Variants in LCMT1 observed in about 807,000 individuals in gnomAD.
LCMT1 encodes [Phosphatase 2A protein]-leucine-carboxy methyltransferase 1.
Under a neutral mutation model 47.7 loss-of-function variants are expected in LCMT1, and 32 were observed. The ratio of observed to expected loss-of-function variants is 0.67; its 90% confidence interval spans 0.51 to 0.90. The LOEUF (loss-of-function observed/expected upper bound fraction) is 0.90, where lower values mean the gene tolerates loss of function less well. Among genes scored for constraint, LCMT1 ranks in the 40% least tolerant of loss-of-function variants. The probability of loss-of-function intolerance (pLI) is 0.00; values close to 1 mark genes in which losing one functional copy is unlikely to be tolerated. For synonymous variants in LCMT1, 152 were observed against 149.7 expected (o/e 1.02, Z -0.11); for missense variants, 375 against 415.2 (o/e 0.90, Z 0.84).
intron 10 of LCMT1, among the ~76,000 whole-genome samples, chr16:25,175,289 A>G (rs1416986459): frequency 2.0e-5 from 3 of 152,010 alleles, no homozygotes; most frequent in Admixed American, 6.6e-5. Context: ...GAGCCTGGCT[A>G]ATTTTCTGTA....
intron 4 of LCMT1, chr16:25,144,723 A>C (rs781449765): frequency 2.6e-5 from 4 of 152,106 alleles, no homozygotes; most frequent in African/African-American, 4.8e-5. Flanking sequence ...GTCAGCTTAG[A>C]TGCTTCACTA....
At chr16:25,156,832 A>T (rs141277208) in intron 5 of LCMT1, among the ~76,000 whole-genome samples, 15 of 152,116 alleles carry the variant, frequency 9.9e-5, no homozygotes, top group South Asian at 2.1e-4. Context: ...CTTGTTCATC[A>T]GTTATTCCCA....
intron 10 of LCMT1, among the ~76,000 whole-genome samples, chr16:25,176,721 C>T (rs1415519882): frequency 6.7e-6 from 1 of 150,336 alleles, no homozygotes; most frequent in African/African-American, 2.4e-5. Context: ...ACCACCATGT[C>T]CAGCTAATTT....
intron 2 of LCMT1, among the ~76,000 whole-genome samples, chr16:25,130,106 C>T (rs941751097): frequency 6.6e-5 from 10 of 152,044 alleles, no homozygotes; most frequent in Non-Finnish European, 1.5e-4. Context: ...TTTGGGAGGC[C>T]GAGGCGGGCG....
chr16:25,154,657 T>C (rs1383629803), intron 5 of LCMT1, among the ~76,000 whole-genome samples: 1 of 151,938 alleles, frequency 6.6e-6, no homozygotes, highest in African/African-American at 2.4e-5. Context: ...CGGCTAATTT[T>C]TTTTGTATTT....
chr16:25,142,086 G>A (rs1960712460), intron 4 of LCMT1: 1 of 152,306 alleles, frequency 6.6e-6, no homozygotes, highest in Non-Finnish European at 1.5e-5. Context: ...ACAGAGAGGT[G>A]AAATTGGCTG....
chr16:25,167,126 T>C (rs1027617292), intron 7 of LCMT1, among the ~76,000 whole-genome samples: 1 of 152,182 alleles, frequency 6.6e-6, no homozygotes, highest in African/African-American at 2.4e-5. Context: ...AGCCTGGGAA[T>C]GTGCCAGTTT....
rs763524422 is a variant in LCMT1, at chr16:25,151,693, T to TGTGTG, written c.466+78_466+79insGTGTG. The TGTGTG allele has an allele frequency of 7.0e-4, 404 of 575,402 alleles. 6 individuals are homozygous for TGTGTG. Among genetic ancestry groups the TGTGTG allele is most frequent in the Non-Finnish European group, 9.8e-4 (353 of 359,128 alleles). The allele number at this position is 575,402 out of a possible 1,614,324, so 35.6% of individuals were successfully genotyped here. ...CCCCTTTTTGAAGATGGGGTTTGTG[T>TGTGTG]TGGGTGTGTGTGTGTGTGTGTGTGT... is the stretch of plus-strand genomic sequence containing the variant. On this transcript the variant is annotated intron_variant, in intron 5 of 10. Coordinates refer to ENST00000399069, the MANE Select transcript of LCMT1 (RefSeq NM_016309.3).
In LCMT1 at chr16:25,161,127, A is replaced by G; in HGVS notation, c.492A>G (p.Arg164=). The G allele has an allele frequency of 1.9e-6, 3 of 1,609,918 alleles. No homozygotes were observed. The highest frequency in any genetic ancestry group is 2.5e-6 in the Non-Finnish European group (3 of 1,177,820). Residue 164 remains arginine, a synonymous_variant, in exon 6 of 11, where the codon AGA becomes AGG. Transcript: ENST00000399069. ...ATGGACACATACTGGATTCAAAGAG[A>G]TATGCCGTTATTGGAGCAGATCTCC... ...QMDGHILDSK[R]YAVIGADLRD...
chr16:25,174,894 C>A, intron 9 of LCMT1, 43 bp from the exon 10 acceptor site: 1 of 1,045,408 alleles, frequency 9.6e-7, no homozygotes, highest in Non-Finnish European at 1.4e-6. Flanking sequence ...TCTTCATTTT[C>A]AATGCAGACA....
intron 6 of LCMT1, among the ~76,000 whole-genome samples, chr16:25,163,651 G>T (rs1961499922): frequency 1.3e-5 from 2 of 152,028 alleles, no homozygotes; most frequent in African/African-American, 4.8e-5. Context: ...AATGACATTC[G>T]ATTGTTTCAT....
At chr16:25,120,296 T>C (rs1353091669) in intron 1 of LCMT1, among the ~76,000 whole-genome samples, 1 of 150,042 alleles carries the variant, frequency 6.7e-6, no homozygotes, top group Non-Finnish European at 1.5e-5. Context: ...CGATCTCGGG[T>C]CACTGCAACC....
intron 9 of LCMT1, among the ~76,000 whole-genome samples, chr16:25,172,996 C>T (rs1411212123): frequency 1.3e-5 from 2 of 152,220 alleles, no homozygotes; most frequent in Admixed American, 6.5e-5. Context: ...CAGCGTGTAA[C>T]CCTCACGGGG....
At chr16:25,173,102 G>A (rs922268421) in intron 9 of LCMT1, among the ~76,000 whole-genome samples, 5 of 152,168 alleles carry the variant, frequency 3.3e-5, no homozygotes, top group African/African-American at 2.4e-5. Context: ...TGCTTTTGCC[G>A]GAAACTGTAG....
intron 8 of LCMT1, chr16:25,169,608 C>T (rs1961692960): frequency 5.8e-6 from 1 of 172,320 alleles, no homozygotes; most frequent in Non-Finnish European, 1.3e-5. Flanking sequence ...ATGATTTCAC[C>T]CCTAAATACA....
chr16:25,167,732 T>C (rs1961628487), intron 7 of LCMT1, among the ~76,000 whole-genome samples: 1 of 152,186 alleles, frequency 6.6e-6, no homozygotes, highest in Non-Finnish European at 1.5e-5. Context: ...GGGACTATTC[T>C]ATGAATTTTA....
intron 3 of LCMT1, among the ~76,000 whole-genome samples, chr16:25,139,033 G>A (rs1018045865): frequency 2.6e-5 from 4 of 151,862 alleles, no homozygotes; most frequent in African/African-American, 4.8e-5. Context: ...TCCGTTTCCC[G>A]GGTTCAAGCA....
At chr16:25,112,026 G>A in intron 1 of LCMT1, 30 bp downstream of exon 1, 2 of 1,481,252 alleles carry the variant, frequency 1.4e-6, no homozygotes, top group Non-Finnish European at 9.4e-7. Context: ...TTCGGGGCCG[G>A]CATCTGGGGC....
intron 5 of LCMT1, among the ~76,000 whole-genome samples, chr16:25,160,315 C>G (rs201645317): frequency 3.9e-5 from 6 of 152,182 alleles, no homozygotes; most frequent in Admixed American, 2.6e-4. Flanking sequence ...GCCTATCAAT[C>G]TGGTTTAGCA....
Sources: gnomAD v4.1 joint callset for allele counts (sites outside exome capture counted in the v4.1 genomes callset) on GRCh38, gnomAD v4.1.1 for gene constraint, MANE v1.5 for transcripts, NCBI Gene and HGNC (gene_info 2026-07-23, HGNC 2026-07-21) for gene names.